ECT2: variants seen among roughly 807,000 people sequenced by gnomAD.
The protein encoded by ECT2 is epithelial cell transforming 2.
In ECT2, 61 loss-of-function variants were observed where a neutral mutation model predicts 116.9. The observed-to-expected ratio is 0.52, with a 90% CI of 0.42 to 0.65. The LOEUF (loss-of-function observed/expected upper bound fraction) is 0.65, where lower values mean the gene tolerates loss of function less well. Ranked by LOEUF, ECT2 falls within the 30% of genes least tolerant of loss-of-function variation. The pLI is 0.00. For missense variants in ECT2, 937 were observed against 1,078.7 expected (o/e 0.87, Z 1.84); for synonymous variants, 358 against 346.4 (o/e 1.03, Z -0.37).
At chr3:172,794,584 T>C (rs946468989) in intron 18 of ECT2, among the ~76,000 whole-genome samples, 72 of 152,268 alleles carry the variant, frequency 4.7e-4, no homozygotes, top group African/African-American at 1.6e-3. Flanking sequence ...GTTCCATAAA[T>C]TTGGCATGTG....
At position 172,762,976 on chromosome 3, in the gene ECT2, T is replaced by G. The variant is rs778707047; in HGVS notation, c.1068+4T>G. Reference sequence around the variant, plus strand: ...AACTATGTATTTATATGAAAAGGTATGCTTTTAACCCCTTACTTATTTGTT... The same window carrying G: ...AACTATGTATTTATATGAAAAGGTAGGCTTTTAACCCCTTACTTATTTGTT... On this transcript the variant is annotated splice_donor_region_variant and intron_variant, in intron 11 of 24. Coordinates refer to ENST00000392692, the MANE Select transcript of ECT2 (RefSeq NM_001258315.2). The G allele has an allele frequency of 5.6e-6, 9 of 1,613,706 alleles. No individual in the cohort carries two copies. The highest frequency in any genetic ancestry group is 5.0e-5 in the Admixed American group (3 of 59,994).
chr3:172,784,668 GA>G, intron 16 of ECT2, 38 bp from the exon 17 acceptor site: 2 of 1,508,366 alleles, frequency 1.3e-6, no homozygotes, highest in Non-Finnish European at 1.8e-6. Context: ...AATCTTTTCA[GA>G]AAACCTTTTT....
chr3:172,802,718 A>G, intron 19 of ECT2, 24 bp downstream of exon 19: 1 of 1,548,660 alleles, frequency 6.5e-7, no homozygotes, highest in South Asian at 1.2e-5. Context: ...TTTAACAATT[A>G]TTAATTTATT....
intron 14 of ECT2, among the ~76,000 whole-genome samples, chr3:172,778,471 C>G (rs1039691711): frequency 6.6e-6 from 1 of 151,758 alleles, no homozygotes; most frequent in Non-Finnish European, 1.5e-5. Context: ...AACATGGAAT[C>G]TGAGTCAGAC....
rs143599206 is a variant in ECT2, at chr3:172,752,943, A to T, written c.-22-1566A>T. Among the ~76,000 whole-genome samples the T allele has an allele frequency of 3.7e-3, 568 of 152,322 alleles. 1 individual carries two copies. Among genetic ancestry groups the T allele is most frequent in the Admixed American group, 8.1e-3 (124 of 15,292 alleles). On this transcript the variant is annotated intron_variant, in intron 1 of 24. Coordinates refer to ENST00000392692, the MANE Select transcript of ECT2 (RefSeq NM_001258315.2). ...GTTACTTTGCTAAGACTCTGGAGGA[A>T]GGTATTTGTATATTTTATTAATCTG...
intron 22 of ECT2, among the ~76,000 whole-genome samples, chr3:172,808,959 T>C (rs1159605167): frequency 1.3e-4 from 20 of 152,130 alleles, no homozygotes; most frequent in Admixed American, 5.9e-4. Context: ...AAAAAATTGT[T>C]GCACAAAAGA....
chr3:172,819,661 C>T (rs558303855), intron 24 of ECT2, among the ~76,000 whole-genome samples: 1 of 152,084 alleles, frequency 6.6e-6, no homozygotes, highest in Non-Finnish European at 1.5e-5. Flanking sequence ...CACTCTGACA[C>T]TCACATATGT....
intron 22 of ECT2, among the ~76,000 whole-genome samples, chr3:172,808,944 T>C (rs979210470): frequency 1.3e-5 from 2 of 152,094 alleles, no homozygotes; most frequent in African/African-American, 2.4e-5. Flanking sequence ...TATGTTCTTA[T>C]AAATAAAAAA....
At position 172,761,702 on chromosome 3, in the gene ECT2, A is replaced by C; in HGVS notation, c.758+19A>C. On this transcript the variant is annotated intron_variant, in intron 8 of 24. Coordinates refer to ENST00000392692, the MANE Select transcript of ECT2 (RefSeq NM_001258315.2). ...ATGAACAGTAAGTGTTTAGAAACTC[A>C]GTAGTTCATTATGTAAATTAAACAT... The C allele has an allele frequency of 6.6e-7, 1 of 1,522,610 alleles. No homozygotes were observed. Among genetic ancestry groups the C allele is most frequent in the Non-Finnish European group, 9.0e-7 (1 of 1,105,480 alleles). The allele number at this position is 1,522,610 out of a possible 1,614,324, so 94.3% of individuals were successfully genotyped here.
intron 1 of ECT2, among the ~76,000 whole-genome samples, chr3:172,753,850 T>G (rs1716421597): frequency 6.6e-6 from 1 of 152,188 alleles, no homozygotes; most frequent in African/African-American, 2.4e-5. Context: ...GAATTTGGAC[T>G]TGGACATATA....
At position 172,805,764 on chromosome 3, in the gene ECT2, T is replaced by G; in HGVS notation, c.2140T>G (p.Phe714Val). 1 of 1,613,856 alleles carries G rather than the reference T, an allele frequency of 6.2e-7. No homozygotes were observed. Among genetic ancestry groups the G allele is most frequent in the East Asian group, 2.2e-5 (1 of 44,840 alleles). Residue 714 changes from phenylalanine (F) to valine (V), a missense_variant, in exon 21 of 25, where the codon TTT becomes GTT. By Grantham distance (50) the Phe-to-Val change is conservative. Coordinates refer to ENST00000392692, the MANE Select transcript of ECT2 (RefSeq NM_001258315.2). ...ARKRHKVIGT[F>V]RSPHGQTRPP... ...AAAACGGCACAAGGTTATTGGCACT[T>G]TTAGGAGTCCTCATGGCCAAACCCG...
At chr3:172,798,606 C>T (rs1004486672) in intron 18 of ECT2, among the ~76,000 whole-genome samples, 4 of 151,988 alleles carry the variant, frequency 2.6e-5, no homozygotes, top group Non-Finnish European at 5.9e-5. Flanking sequence ...ATTGTTGGTT[C>T]TTTATGCAAA....
At chr3:172,788,428 T>C (rs1724002115) in intron 18 of ECT2, among the ~76,000 whole-genome samples, 1 of 152,234 alleles carries the variant, frequency 6.6e-6, no homozygotes, top group South Asian at 2.1e-4. Context: ...AGCACACATA[T>C]GCTCCCATGA....
At chr3:172,822,879 G>A (rs1730744346), downstream of ECT2, among the ~76,000 whole-genome samples, 2 of 151,874 alleles carry the variant, frequency 1.3e-5, no homozygotes, top group African/African-American at 4.8e-5. Context: ...TAAAAAATGG[G>A]ACATGAATAT....
At chr3:172,769,305 A>G (rs991833835) in intron 13 of ECT2, among the ~76,000 whole-genome samples, 162 bp downstream of exon 13, 3 of 152,222 alleles carry the variant, frequency 2.0e-5, no homozygotes, top group South Asian at 4.1e-4. Context: ...GGGAAATGTC[A>G]TAACTGTAGT....
At chr3:172,818,848 C>T (rs183026147) in intron 24 of ECT2, 1,389 of 1,098,170 alleles carry the variant, frequency 1.3e-3, no homozygotes, top group Non-Finnish European at 1.5e-3. Flanking sequence ...TTTGTATTTG[C>T]GGGAAAAAAA....
chr3:172,771,403 T>C (rs190193114), intron 13 of ECT2: 29 of 152,300 alleles, frequency 1.9e-4, no homozygotes, highest in Non-Finnish European at 3.4e-4. Flanking sequence ...AGTATATTCA[T>C]AATGAAGTGA....
rs918040820 is a variant in ECT2, at chr3:172,820,473, T to A, written c.*236T>A. On this transcript the variant is annotated 3_prime_UTR_variant, in exon 25 of 25. Transcript: ENST00000392692. Reference sequence around the variant, plus strand: ...TGATGTAATTTATCTCTTGTTTGAATCTGTCATTCAAAGGCCAATAATTTA... The same window carrying A: ...TGATGTAATTTATCTCTTGTTTGAAACTGTCATTCAAAGGCCAATAATTTA... 1 of 305,994 alleles carries A rather than the reference T, an allele frequency of 3.3e-6. No individual in the cohort carries two copies. The highest frequency in any genetic ancestry group is 6.0e-6 in the Non-Finnish European group (1 of 166,770). 19.0% of individuals were successfully genotyped at this position (305,994 alleles called of 1,614,324 possible).
intron 18 of ECT2, among the ~76,000 whole-genome samples, chr3:172,802,277 CT>C (rs1726860376): frequency 6.6e-6 from 1 of 151,960 alleles, no homozygotes; most frequent in Non-Finnish European, 1.5e-5. Flanking sequence ...CCATACCCAG[CT>C]AATTTTTGTA....
Sources: allele counts gnomAD v4.1 joint callset (sites outside exome capture counted in the v4.1 genomes callset), GRCh38; gene constraint gnomAD v4.1.1; transcripts MANE v1.5; gene names NCBI Gene and HGNC (gene_info 2026-07-23, HGNC 2026-07-21).